GNAQ: variants seen among roughly 807,000 people sequenced by gnomAD.
GNAQ encodes the protein guanine nucleotide-binding protein G(q) subunit alpha.
GNAQ carries 8 observed loss-of-function variants against 43.9 expected under a neutral mutation model. The ratio of observed to expected loss-of-function variants is 0.18; its 90% CI spans 0.11 to 0.33. The LOEUF is 0.33. GNAQ is among the 10% of genes least tolerant of loss of function. The pLI is 1.00. For synonymous variants in GNAQ, 155 were observed against 170.7 expected (o/e 0.91, Z 0.71); for missense variants, 158 against 450.8 (o/e 0.35, Z 5.88).
intron 3 of GNAQ, among the ~76,000 whole-genome samples, chr9:77,803,352 T>G (rs1826777183): frequency 6.6e-6 from 1 of 152,236 alleles, no homozygotes; most frequent in Non-Finnish European, 1.5e-5. Context: ...ACAAAATGTT[T>G]ATGTCCATTT....
At position 77,720,380 on chromosome 9, in the gene GNAQ, A is replaced by G. The variant is rs1264364076; in HGVS notation, c.*943T>C. The G allele has an allele frequency of 8.6e-6, 2 of 233,470 alleles. No individual in the cohort carries two copies. Among genetic ancestry groups the G allele is most frequent in the Non-Finnish European group, 1.7e-5 (2 of 117,994 alleles). The allele number at this position is 233,470 out of a possible 1,614,324, so 14.5% of individuals were successfully genotyped here. On this transcript the variant is annotated 3_prime_UTR_variant, in exon 7 of 7. Transcript: ENST00000286548. ...AATCGTGGCCCAAACACCAAGAAAAAAAAGAAAGGAAAAGCTTGAACAACA... is the reference window on the plus strand; with the variant it reads ...AATCGTGGCCCAAACACCAAGAAAAGAAAGAAAGGAAAAGCTTGAACAACA...
intron 1 of GNAQ, among the ~76,000 whole-genome samples, chr9:77,990,791 G>A (rs898014123): frequency 6.6e-6 from 1 of 152,180 alleles, no homozygotes; most frequent in South Asian, 2.1e-4. Context: ...TGAAAGTAGA[G>A]TGTAGTTATG....
chr9:77,922,133 G>A, intron 2 of GNAQ, 28 bp downstream of exon 2: 1 of 1,525,606 alleles, frequency 6.6e-7, no homozygotes, highest in East Asian at 2.3e-5. Flanking sequence ...ACATTCAGCT[G>A]ACTGCTCCAA....
At chr9:77,944,364 G>A (rs1829357555) in intron 1 of GNAQ, among the ~76,000 whole-genome samples, 1 of 150,280 alleles carries the variant, frequency 6.7e-6, no homozygotes, top group African/African-American at 2.5e-5. Flanking sequence ...GTTTTATGAA[G>A]CTGTGTATAC....
chr9:77,862,074 C>T (rs1488589602), intron 2 of GNAQ, among the ~76,000 whole-genome samples: 1 of 151,862 alleles, frequency 6.6e-6, no homozygotes, highest in Non-Finnish European at 1.5e-5. Flanking sequence ...CCGTTCTGCC[C>T]CTGTGGCTTT....
chr9:78,001,795 C>T (rs1823647175), intron 1 of GNAQ, among the ~76,000 whole-genome samples: 1 of 151,986 alleles, frequency 6.6e-6, no homozygotes, highest in Non-Finnish European at 1.5e-5. Context: ...TGTTTCAAGG[C>T]CTTAAATTTA....
chr9:77,727,719 T>C (rs1825419588), intron 6 of GNAQ, among the ~76,000 whole-genome samples: 1 of 152,078 alleles, frequency 6.6e-6, no homozygotes, highest in Non-Finnish European at 1.5e-5. Flanking sequence ...CACAAAACAA[T>C]CCTATGAGTT....
At chr9:77,772,923 A>C (rs889192822) in intron 5 of GNAQ, among the ~76,000 whole-genome samples, 9 of 152,246 alleles carry the variant, frequency 5.9e-5, no homozygotes, top group African/African-American at 1.9e-4. Context: ...AAAACAAAAA[A>C]ACCACAGAAA....
chr9:77,883,825 A>G (rs994589699), intron 2 of GNAQ, among the ~76,000 whole-genome samples: 1 of 152,082 alleles, frequency 6.6e-6, no homozygotes, highest in Non-Finnish European at 1.5e-5. Context: ...TCCAAATCCA[A>G]ACTGTCTAGT....
chr9:77,941,117 T>C (rs1422453859), intron 1 of GNAQ, among the ~76,000 whole-genome samples: 5 of 152,216 alleles, frequency 3.3e-5, no homozygotes, highest in Admixed American at 6.5e-5. Context: ...TTTTCAAGTA[T>C]TAAATTGGCA....
At chr9:78,006,058 A>G (rs563317277) in intron 1 of GNAQ, among the ~76,000 whole-genome samples, 1 of 152,280 alleles carries the variant, frequency 6.6e-6, no homozygotes, top group South Asian at 2.1e-4. Flanking sequence ...TCTTTCCTGT[A>G]CGGGGTCACA....
chr9:77,813,024 T>G (rs1224888077), intron 3 of GNAQ, among the ~76,000 whole-genome samples: 3 of 152,000 alleles, frequency 2.0e-5, no homozygotes, highest in African/African-American at 4.8e-5. Flanking sequence ...CCAATTCTCC[T>G]GTTTCAGCCT....
chr9:77,775,152 G>A (rs1370102566), intron 5 of GNAQ, among the ~76,000 whole-genome samples: 1 of 151,956 alleles, frequency 6.6e-6, no homozygotes. Flanking sequence ...TTTTTTAGGT[G>A]TACTCTGAAT....
chr9:77,911,572 G>C (rs1299376572), intron 2 of GNAQ, among the ~76,000 whole-genome samples: 1 of 152,064 alleles, frequency 6.6e-6, no homozygotes, highest in Non-Finnish European at 1.5e-5. Flanking sequence ...CACACGAATT[G>C]GTCTACTCCC....
intron 2 of GNAQ, among the ~76,000 whole-genome samples, chr9:77,919,388 A>C (rs539797099): frequency 1.3e-5 from 2 of 152,298 alleles, no homozygotes; most frequent in African/African-American, 2.4e-5. Flanking sequence ...AAGTCACCAT[A>C]ATCAATACAA....
At chr9:77,965,466 A>T (rs771255851) in intron 1 of GNAQ, among the ~76,000 whole-genome samples, 23 of 152,336 alleles carry the variant, frequency 1.5e-4, no homozygotes, top group Non-Finnish European at 2.8e-4. Context: ...CAAAGCATAC[A>T]TACAGACTTG....
At chr9:77,761,384 G>T (rs1335690770) in intron 5 of GNAQ, among the ~76,000 whole-genome samples, 2 of 119,356 alleles carry the variant, frequency 1.7e-5, no homozygotes, top group Admixed American at 8.0e-5. Flanking sequence ...GCCTCTGCCC[G>T]GCCGCCCCTA....
intron 1 of GNAQ, among the ~76,000 whole-genome samples, chr9:77,970,854 T>C (rs1823228875): frequency 6.6e-6 from 1 of 152,076 alleles, no homozygotes; most frequent in Non-Finnish European, 1.5e-5. Flanking sequence ...ATCCAGGAGC[T>C]GGTTTTTTGA....
chr9:77,966,487 C>CT (rs1823169059), intron 1 of GNAQ, among the ~76,000 whole-genome samples: 1 of 152,088 alleles, frequency 6.6e-6, no homozygotes, highest in African/African-American at 2.4e-5. Context: ...ACACTTTAAA[C>CT]TTTTTTAAGG....
Sources: allele counts gnomAD v4.1 joint callset (sites outside exome capture counted in the v4.1 genomes callset), GRCh38; gene constraint gnomAD v4.1.1; transcripts MANE v1.5; gene names NCBI Gene and HGNC (gene_info 2026-07-23, HGNC 2026-07-21).